PELI2: variants seen among roughly 807,000 people sequenced by gnomAD.
PELI2 encodes the protein E3 ubiquitin-protein ligase pellino homolog 2.
A neutral mutation model predicts 42.3 loss-of-function variants in PELI2; 23 were observed. The observed-to-expected ratio is 0.54, with a 90% CI of 0.39 to 0.77. PELI2 has a LOEUF of 0.77. PELI2 is among the 30% of genes least tolerant of loss of function. The probability of loss-of-function intolerance (pLI) is 0.00; values close to 1 mark genes in which losing one functional copy is unlikely to be tolerated. For synonymous variants in PELI2, 245 were observed against 212.2 expected (o/e 1.15, Z -1.34); for missense variants, 463 against 553.2 (o/e 0.84, Z 1.64).
intron 2 of PELI2, among the ~76,000 whole-genome samples, chr14:56,226,137 G>C (rs1370881411): frequency 6.6e-6 from 1 of 152,084 alleles, no homozygotes; most frequent in Non-Finnish European, 1.5e-5. Context: ...CTCATAGTTT[G>C]ATTGAGACCC....
At chr14:56,196,673 A>G (rs1594629229) in intron 2 of PELI2, among the ~76,000 whole-genome samples, 1 of 152,206 alleles carries the variant, frequency 6.6e-6, no homozygotes, top group East Asian at 1.9e-4. Context: ...TACTTTAGGA[A>G]CGTTTGTCTT....
intron 3 of PELI2, among the ~76,000 whole-genome samples, chr14:56,280,982 A>G (rs1173092897): frequency 6.6e-6 from 1 of 152,168 alleles, no homozygotes; most frequent in East Asian, 1.9e-4. Flanking sequence ...TGAATTAATA[A>G]TAAAATACTC....
In PELI2 at chr14:56,266,923, C is replaced by G. The variant is rs185519868; in HGVS notation, c.208-12753C>G. ...CAACACTGTAACTACATTATATAGA[C>G]AATTCTATAAGTTATTGTGTTAAAG... On this transcript the variant is annotated intron_variant, in intron 2 of 5. Coordinates refer to ENST00000267460, the MANE Select transcript of PELI2 (RefSeq NM_021255.3). Among the ~76,000 whole-genome samples, 12 of 152,144 alleles carry G rather than the reference C, an allele frequency of 7.9e-5. No homozygotes were observed. The East Asian group carries it at 2.3e-3, about 29-fold the overall frequency.
chr14:56,161,825 AG>A (rs1457037758), intron 1 of PELI2, among the ~76,000 whole-genome samples: 1 of 152,220 alleles, frequency 6.6e-6, no homozygotes, highest in Non-Finnish European at 1.5e-5. Context: ...AGGCCAAGCC[AG>A]GGAACATATT....
intron 2 of PELI2, among the ~76,000 whole-genome samples, chr14:56,218,596 A>G (rs1381688106): frequency 6.6e-6 from 1 of 151,938 alleles, no homozygotes; most frequent in Non-Finnish European, 1.5e-5. Context: ...GTTTTCCTTT[A>G]TTTTCCCTAG....
At chr14:56,230,573 C>T (rs1887523018) in intron 2 of PELI2, among the ~76,000 whole-genome samples, 1 of 152,134 alleles carries the variant, frequency 6.6e-6, no homozygotes, top group South Asian at 2.1e-4. Flanking sequence ...GACCACGAGG[C>T]CTGCCTTACA....
intron 2 of PELI2, among the ~76,000 whole-genome samples, chr14:56,189,442 C>T (rs2139685151): frequency 6.6e-6 from 1 of 152,280 alleles, no homozygotes; most frequent in Non-Finnish European, 1.5e-5. Flanking sequence ...GCTTTTGTTG[C>T]ACTGGCTAAA....
chr14:56,121,470 A>G (rs1595531677), intron 1 of PELI2, among the ~76,000 whole-genome samples: 1 of 152,208 alleles, frequency 6.6e-6, no homozygotes, highest in African/African-American at 2.4e-5. Context: ...GAATTTAATT[A>G]TTTCATGATT....
chr14:56,265,512 A>C (rs1888869580), intron 2 of PELI2, among the ~76,000 whole-genome samples: 1 of 152,168 alleles, frequency 6.6e-6, no homozygotes, highest in Non-Finnish European at 1.5e-5. Flanking sequence ...CTAAGAGAAA[A>C]CATAGAAGAA....
At chr14:56,228,022 T>C (rs1352462796) in intron 2 of PELI2, among the ~76,000 whole-genome samples, 1 of 152,238 alleles carries the variant, frequency 6.6e-6, no homozygotes, top group Non-Finnish European at 1.5e-5. Context: ...CCTTCATTGC[T>C]TCTAGGCATC....
At chr14:56,145,969 T>G (rs1242201850) in intron 1 of PELI2, among the ~76,000 whole-genome samples, 1 of 152,190 alleles carries the variant, frequency 6.6e-6, no homozygotes, top group Non-Finnish European at 1.5e-5. Context: ...CAAAGCCAGT[T>G]TGTAATGAAA....
At chr14:56,214,067 G>A (rs937858210) in intron 2 of PELI2, among the ~76,000 whole-genome samples, 16 of 152,160 alleles carry the variant, frequency 1.1e-4, no homozygotes, top group Non-Finnish European at 2.1e-4. Context: ...TGGCCAGGAT[G>A]GTCTCGAACT....
intron 1 of PELI2, among the ~76,000 whole-genome samples, chr14:56,158,880 C>G (rs1002837969): frequency 6.6e-6 from 1 of 152,124 alleles, no homozygotes; most frequent in Non-Finnish European, 1.5e-5. Context: ...AAAAGACATA[C>G]AATTTAATAT....
chr14:56,285,690 T>C (rs1291203067), intron 3 of PELI2, among the ~76,000 whole-genome samples: 1 of 151,986 alleles, frequency 6.6e-6, no homozygotes, highest in Non-Finnish European at 1.5e-5. Flanking sequence ...GTGGTTTCAG[T>C]AGAGTTGTGG....
rs1890083502 is a variant in PELI2 at position 56,298,557 on chromosome 14, G to A, written c.*1391G>A. ...TAATTTGACCATTGCAGATTTGGGTGACTTTTTTTTAACCTTTGTACATAT... is the reference window on the plus strand; with the variant it reads ...TAATTTGACCATTGCAGATTTGGGTAACTTTTTTTTAACCTTTGTACATAT... On this transcript the variant is annotated 3_prime_UTR_variant, in exon 6 of 6. Transcript: ENST00000267460. 1 of 152,562 alleles carries A rather than the reference G, an allele frequency of 6.6e-6. No homozygotes were observed. The highest frequency in any genetic ancestry group is 6.5e-5 in the Admixed American group (1 of 15,278). 9.5% of individuals were successfully genotyped at this position (152,562 alleles called of 1,614,324 possible).
intron 2 of PELI2, among the ~76,000 whole-genome samples, chr14:56,257,729 G>A (rs1888572121): frequency 6.6e-6 from 1 of 152,166 alleles, no homozygotes; most frequent in Admixed American, 6.5e-5. Flanking sequence ...CTGAGAGAAG[G>A]GAAATAAGTG....
chr14:56,291,942 G>A (rs1889843544), intron 5 of PELI2, among the ~76,000 whole-genome samples: 5 of 152,230 alleles, frequency 3.3e-5, no homozygotes, highest in Admixed American at 3.3e-4. Context: ...ATGTTGTGGG[G>A]AGCCAGGGAT....
chr14:56,246,137 C>T (rs1297839997), intron 2 of PELI2, among the ~76,000 whole-genome samples: 1 of 152,180 alleles, frequency 6.6e-6, no homozygotes, highest in African/African-American at 2.4e-5. Flanking sequence ...TGGATCTCCT[C>T]TGGAGTGCAC....
chr14:56,152,986 C>G (rs959524306), intron 1 of PELI2, among the ~76,000 whole-genome samples: 22 of 152,154 alleles, frequency 1.4e-4, no homozygotes, highest in African/African-American at 5.3e-4. Flanking sequence ...ACACACCTAC[C>G]TCTGCAGTTC....
Sources: allele counts gnomAD v4.1 joint callset (sites outside exome capture counted in the v4.1 genomes callset), GRCh38; gene constraint gnomAD v4.1.1; transcripts MANE v1.5; gene names NCBI Gene and HGNC (gene_info 2026-07-23, HGNC 2026-07-21).